The following SEC63 variants were observed in gnomAD, a reference collection of about 807,000 sequenced individuals.
SEC63 encodes the protein translocation protein SEC63 homolog.
SEC63 carries 56 observed loss-of-function variants against 116.2 expected under a neutral mutation model. That is an observed-to-expected ratio of 0.48 (90% CI 0.39 to 0.60). SEC63 has a LOEUF of 0.60. SEC63 is among the 20% of genes least tolerant of loss of function. The probability of loss-of-function intolerance (pLI) is 0.00; values close to 1 mark genes in which losing one functional copy is unlikely to be tolerated. For synonymous variants in SEC63, 273 were observed against 294.6 expected (o/e 0.93, Z 0.75); for missense variants, 668 against 900.0 (o/e 0.74, Z 3.30).
chr6:107,944,525 C>A (rs1045559815), intron 1 of SEC63, among the ~76,000 whole-genome samples: 1 of 151,922 alleles, frequency 6.6e-6, no homozygotes, highest in African/African-American at 2.4e-5. Context: ...TGGTGAAACC[C>A]GTCTGTACTA....
intron 14 of SEC63, among the ~76,000 whole-genome samples, chr6:107,897,397 T>C (rs950547623): frequency 6.6e-6 from 1 of 152,342 alleles, no homozygotes; most frequent in Non-Finnish European, 1.5e-5. Context: ...TCAAGAACTA[T>C]ATCCACATTA....
intron 18 of SEC63, among the ~76,000 whole-genome samples, chr6:107,877,592 C>T (rs1242990899): frequency 6.6e-6 from 1 of 151,976 alleles, no homozygotes; most frequent in Non-Finnish European, 1.5e-5. Context: ...TACAGGCATG[C>T]ACCACGTCTG....
At position 107,875,130 on chromosome 6, in the gene SEC63, C is replaced by T. The variant is rs546695538; in HGVS notation, c.2034+1434G>A. ...CTGCCCGCCTTGGCCTCCCAAAATG[C>T]TGGAATTACAGGTGTAAGCCACTGC... On this transcript the variant is annotated intron_variant, in intron 19 of 20. Coordinates refer to ENST00000369002, the MANE Select transcript of SEC63 (RefSeq NM_007214.5). Among the ~76,000 whole-genome samples the T allele has an allele frequency of 5.3e-5, 8 of 152,152 alleles. 1 individual carries two copies. The highest frequency in any genetic ancestry group is 1.9e-4 in the African/African-American group (8 of 41,512).
chr6:107,890,456 G>A (rs1786653910), intron 16 of SEC63, among the ~76,000 whole-genome samples: 1 of 152,116 alleles, frequency 6.6e-6, no homozygotes, highest in South Asian at 2.1e-4. Flanking sequence ...TTAAACCTAT[G>A]TGTGTCTTTT....
At chr6:107,897,355 T>A (rs1340703406) in intron 14 of SEC63, among the ~76,000 whole-genome samples, 1 of 152,230 alleles carries the variant, frequency 6.6e-6, no homozygotes, top group Non-Finnish European at 1.5e-5. Context: ...GAAATTCTCA[T>A]CAGTAACAAC....
At position 107,901,359 on chromosome 6, in the gene SEC63, C is replaced by T; in HGVS notation, c.1357+11G>A. On this transcript the variant is annotated intron_variant, in intron 13 of 20. Coordinates refer to ENST00000369002, the MANE Select transcript of SEC63 (RefSeq NM_007214.5). Reference sequence around the variant, plus strand: ...GGGAAGCAATGCTCAACAGAGAAACCTCCCACTTACCCTGTGATTTTATAT... The same window carrying T: ...GGGAAGCAATGCTCAACAGAGAAACTTCCCACTTACCCTGTGATTTTATAT... 1.2e-6 allele frequency: 2 copies of T among 1,611,622 alleles called. No homozygotes were observed. The highest frequency in any genetic ancestry group is 1.7e-6 in the Non-Finnish European group (2 of 1,179,176).
chr6:107,896,102 G>A (rs138143861), intron 14 of SEC63, among the ~76,000 whole-genome samples: 31 of 152,234 alleles, frequency 2.0e-4, no homozygotes, highest in Middle Eastern at 3.4e-3. Flanking sequence ...GGAGGCGGAC[G>A]TTGCAGTGAG....
At chr6:107,906,083 G>A (rs1336835517) in intron 10 of SEC63, among the ~76,000 whole-genome samples, 1 of 152,098 alleles carries the variant, frequency 6.6e-6, no homozygotes, top group Non-Finnish European at 1.5e-5. Context: ...CAGGGGGGTG[G>A]AGTTCTCCCT....
At position 107,958,092 on chromosome 6, in the gene SEC63, A is replaced by G. The variant is rs1373686353; in HGVS notation, c.-83T>C. 1 of 1,585,590 alleles carries G rather than the reference A, an allele frequency of 6.3e-7. No homozygotes were observed. On this transcript the variant is annotated 5_prime_UTR_variant, in exon 1 of 21. Coordinates refer to ENST00000369002, the MANE Select transcript of SEC63 (RefSeq NM_007214.5). ...CTCCCGCTCCCAACGCCCCGGCCCG[A>G]GTGGCGTAGCTTGGACACTGCCGCC...
chr6:107,938,529 G>A (rs902890431), intron 1 of SEC63, among the ~76,000 whole-genome samples: 4 of 151,238 alleles, frequency 2.6e-5, no homozygotes, highest in Non-Finnish European at 5.9e-5. Context: ...ACAGTTGTGA[G>A]ACACCACATC....
chr6:107,904,603 C>T, intron 11 of SEC63, 26 bp downstream of exon 11: 1 of 1,537,566 alleles, frequency 6.5e-7, no homozygotes, highest in Non-Finnish European at 9.0e-7. Flanking sequence ...AAAAGTATAA[C>T]ATAATTAACT....
At chr6:107,878,831 G>A (rs1287949081) in intron 18 of SEC63, among the ~76,000 whole-genome samples, 2 of 151,842 alleles carry the variant, frequency 1.3e-5, no homozygotes, top group African/African-American at 4.8e-5. Context: ...GTCCAGCCTG[G>A]GCAACAAGAG....
At chr6:107,871,991 T>C in intron 20 of SEC63, 144 bp from the exon 21 acceptor site, 1 of 775,066 alleles carries the variant, frequency 1.3e-6, no homozygotes, top group East Asian at 2.7e-5. Flanking sequence ...AACTCATTCA[T>C]TTAGAACAGA....
intron 14 of SEC63, among the ~76,000 whole-genome samples, chr6:107,895,036 T>C (rs548231229): frequency 6.6e-6 from 1 of 152,218 alleles, no homozygotes; most frequent in Non-Finnish European, 1.5e-5. Flanking sequence ...CACTCCCTAG[T>C]CTAATTATAT....
At chr6:107,949,918 G>A (rs1428682572) in intron 1 of SEC63, among the ~76,000 whole-genome samples, 2 of 152,194 alleles carry the variant, frequency 1.3e-5, no homozygotes, top group Non-Finnish European at 2.9e-5. Flanking sequence ...TTACAGGAAT[G>A]AAACACTGCA....
At chr6:107,936,717 A>G (rs548566232) in intron 1 of SEC63, among the ~76,000 whole-genome samples, 2 of 152,342 alleles carry the variant, frequency 1.3e-5, no homozygotes, top group South Asian at 4.1e-4. Flanking sequence ...TGCCTTTGCT[A>G]AAACAGTCAC....
intron 4 of SEC63, among the ~76,000 whole-genome samples, chr6:107,915,247 G>A (rs1040839557): frequency 1.3e-5 from 2 of 151,986 alleles, no homozygotes; most frequent in Non-Finnish European, 2.9e-5. Context: ...GGTAACAGAG[G>A]ACGATTATAG....
chr6:107,912,164 T>C (rs1488043744), intron 6 of SEC63, among the ~76,000 whole-genome samples: 1 of 152,216 alleles, frequency 6.6e-6, no homozygotes, highest in Non-Finnish European at 1.5e-5. Context: ...TTCAAGAAAG[T>C]TGAAGTAGGA....
At position 107,929,440 on chromosome 6, in the gene SEC63, G is replaced by C; in HGVS notation, c.199C>G (p.Gln67Glu). 1 of 1,586,272 alleles carries C rather than the reference G, an allele frequency of 6.3e-7. No individual in the cohort carries two copies. The highest frequency in any genetic ancestry group is 8.7e-7 in the Non-Finnish European group (1 of 1,155,042). ...TTTACTGTAGGAATAATATTTGGCT[G>C]GGGTTTTAATAACCGTAAACGATAC... ...MWYRLRLLKPQPNIIPTVKKI... is the reference protein window; with the variant it reads ...MWYRLRLLKPEPNIIPTVKKI... Residue 67 changes from glutamine to glutamate, a missense_variant, in exon 2 of 21, where the codon CAG becomes GAG. Gln to Glu is a conservative substitution (Grantham distance 29, BLOSUM62 2). This residue lies in a region of SEC63 where 142 missense variants were observed against 169.5 expected (regional missense o/e 0.84). Coordinates refer to ENST00000369002, the MANE Select transcript of SEC63 (RefSeq NM_007214.5).
Sources: allele counts gnomAD v4.1 joint callset (sites outside exome capture counted in the v4.1 genomes callset), GRCh38; gene constraint gnomAD v4.1.1; regional missense constraint gnomAD v4.1.1; transcripts MANE v1.5; gene names NCBI Gene and HGNC (gene_info 2026-07-23, HGNC 2026-07-21).